The following UBE2R2 variants were observed in gnomAD, a reference collection of about 807,000 sequenced individuals.
UBE2R2 encodes ubiquitin conjugating enzyme E2 R2, also known as ubiquitin-conjugating enzyme E2 R2.
A neutral mutation model predicts 27.8 loss-of-function variants in UBE2R2; 1 was observed. The observed-to-expected ratio is 0.04, with a 90% CI of 0.01 to 0.17. The LOEUF is 0.17. Ranked by LOEUF, UBE2R2 falls within the 10% of genes least tolerant of loss-of-function variation. UBE2R2 has a pLI of 1.00. For synonymous variants in UBE2R2, 106 were observed against 113.3 expected (o/e 0.94, Z 0.41); for missense variants, 100 against 291.0 (o/e 0.34, Z 4.78).
At chr9:33,879,476 C>T (rs937417169) in intron 1 of UBE2R2, among the ~76,000 whole-genome samples, 1 of 152,130 alleles carries the variant, frequency 6.6e-6, no homozygotes, top group African/African-American at 2.4e-5. Flanking sequence ...TTTTCTGAGA[C>T]AGGGTCTTGC....
intron 1 of UBE2R2, among the ~76,000 whole-genome samples, chr9:33,858,637 C>T (rs1009159894): frequency 1.3e-5 from 2 of 151,306 alleles, no homozygotes; most frequent in Non-Finnish European, 2.9e-5. Context: ...CCTGATAGAG[C>T]TCAAGCACTC....
chr9:33,877,827 C>CTGTCTG (rs1563997770), intron 1 of UBE2R2, among the ~76,000 whole-genome samples: 1 of 82,980 alleles, frequency 1.2e-5, no homozygotes, highest in African/African-American at 6.4e-5. Flanking sequence ...CTGTCTGTCT[C>CTGTCTG]TCTCTCTCTC....
At chr9:33,882,392 T>G (rs1821749224) in intron 1 of UBE2R2, among the ~76,000 whole-genome samples, 1 of 152,186 alleles carries the variant, frequency 6.6e-6, no homozygotes, top group South Asian at 2.1e-4. Flanking sequence ...GTTCAAGCAA[T>G]TCTCCTGCCT....
rs1825852743 is a variant in UBE2R2, at chr9:33,818,033, G to T, written c.177+99G>T. On this transcript the variant is annotated intron_variant, in intron 1 of 4. Coordinates refer to ENST00000263228, the MANE Select transcript of UBE2R2 (RefSeq NM_017811.4). ...TGGGACCAGGAGTATGAGCACGGGC[G>T]AGTGGAGGGGGCTTCTCACCCGTGC... The T allele has an allele frequency of 5.0e-6, 7 of 1,395,454 alleles. No homozygotes were observed. The South Asian group carries it at 7.7e-5, about 15-fold the overall frequency. 86.4% of individuals were successfully genotyped at this position (1,395,454 alleles called of 1,614,324 possible).
At chr9:33,877,829 C>G (rs1346878135) in intron 1 of UBE2R2, among the ~76,000 whole-genome samples, 6 of 149,832 alleles carry the variant, frequency 4.0e-5, no homozygotes, top group Non-Finnish European at 7.4e-5. Context: ...GTCTGTCTCT[C>G]TCTCTCTCTC....
chr9:33,906,070 A>T (rs927009147), intron 3 of UBE2R2, among the ~76,000 whole-genome samples: 1 of 152,028 alleles, frequency 6.6e-6, no homozygotes, highest in Admixed American at 6.6e-5. Flanking sequence ...GCGTGAAGTA[A>T]GTTCAGGTTT....
chr9:33,877,677 A>G (rs999326988), intron 1 of UBE2R2, among the ~76,000 whole-genome samples: 10 of 152,160 alleles, frequency 6.6e-5, no homozygotes, highest in African/African-American at 2.4e-4. Context: ...TAAGGTTGGT[A>G]TTAATCTTTC....
chr9:33,824,193 T>G (rs1186317322), intron 1 of UBE2R2, among the ~76,000 whole-genome samples: 1 of 152,162 alleles, frequency 6.6e-6, no homozygotes, highest in Admixed American at 6.6e-5. Context: ...TCTTTTTGAT[T>G]AAGAAATTTC....
chr9:33,909,799 CT>C (rs1489462058), intron 3 of UBE2R2, among the ~76,000 whole-genome samples: 1 of 152,182 alleles, frequency 6.6e-6, no homozygotes, highest in African/African-American at 2.4e-5. Context: ...TATCCTTAAC[CT>C]AATAGGAGCA....
chr9:33,881,571 T>C (rs1821732971), intron 1 of UBE2R2, among the ~76,000 whole-genome samples: 1 of 152,202 alleles, frequency 6.6e-6, no homozygotes, highest in African/African-American at 2.4e-5. Flanking sequence ...CTTTGATGAT[T>C]TCTCCGTCTT....
At chr9:33,823,087 G>T (rs1202712918) in intron 1 of UBE2R2, among the ~76,000 whole-genome samples, 1 of 150,090 alleles carries the variant, frequency 6.7e-6, no homozygotes, top group Non-Finnish European at 1.5e-5. Context: ...GTAATTTTTA[G>T]TAGAGATGGG....
chr9:33,836,113 G>A (rs894938740), intron 1 of UBE2R2, among the ~76,000 whole-genome samples: 5 of 152,158 alleles, frequency 3.3e-5, no homozygotes, highest in African/African-American at 1.2e-4. Context: ...AGACCAGCCC[G>A]GCCAGCATGG....
chr9:33,885,240 T>C (rs1343373220), intron 1 of UBE2R2, among the ~76,000 whole-genome samples: 1 of 151,852 alleles, frequency 6.6e-6, no homozygotes, highest in Non-Finnish European at 1.5e-5. Context: ...GGCATGTGCA[T>C]AGCTCTACAC....
intron 2 of UBE2R2, among the ~76,000 whole-genome samples, chr9:33,888,813 G>A (rs1224928178): frequency 1.3e-5 from 2 of 152,162 alleles, no homozygotes; most frequent in African/African-American, 4.8e-5. Flanking sequence ...ACCATGCCCG[G>A]CCACCTTTAA....
At chr9:33,856,672 C>T (rs542732250) in intron 1 of UBE2R2, among the ~76,000 whole-genome samples, 4 of 150,802 alleles carry the variant, frequency 2.7e-5, no homozygotes, top group African/African-American at 9.7e-5. Flanking sequence ...ATTACATTAC[C>T]TTTCTTGGAA....
In UBE2R2 at chr9:33,917,829, T is replaced by A. The variant is rs966768600; in HGVS notation, c.*592T>A. 1 of 154,602 alleles carries A rather than the reference T, an allele frequency of 6.5e-6. No homozygotes were observed. Among genetic ancestry groups the A allele is most frequent in the Non-Finnish European group, 1.5e-5 (1 of 68,770 alleles). 9.6% of individuals were successfully genotyped at this position (154,602 alleles called of 1,614,324 possible). A position where few individuals can be genotyped will look rare whatever the true frequency, so the allele number is the denominator to read the frequency against. On this transcript the variant is annotated 3_prime_UTR_variant, in exon 5 of 5. Transcript: ENST00000263228. ...TCCTAAGGCTGGGACATGGTGGGCATCAGGGACTTTGTGCTAAGCCTGATG... is the reference window on the plus strand; with the variant it reads ...TCCTAAGGCTGGGACATGGTGGGCAACAGGGACTTTGTGCTAAGCCTGATG...
intron 1 of UBE2R2, among the ~76,000 whole-genome samples, chr9:33,846,821 C>A (rs890140695): frequency 1.3e-5 from 2 of 152,046 alleles, no homozygotes; most frequent in Admixed American, 1.3e-4. Flanking sequence ...AAATATTATT[C>A]TTTTGATTTT....
intron 3 of UBE2R2, among the ~76,000 whole-genome samples, chr9:33,908,342 TAA>T (rs1587483111): frequency 1.3e-5 from 2 of 152,314 alleles, no homozygotes; most frequent in East Asian, 3.9e-4. Flanking sequence ...TGCATCGCCA[TAA>T]CAACAGGGAT....
intron 4 of UBE2R2, among the ~76,000 whole-genome samples, chr9:33,914,723 GA>G (rs1278733924): frequency 6.6e-6 from 1 of 152,068 alleles, no homozygotes; most frequent in Admixed American, 6.5e-5. Context: ...AGCTACTCGG[GA>G]GGCTGAAGGC....
Sources: allele counts gnomAD v4.1 joint callset (sites outside exome capture counted in the v4.1 genomes callset), GRCh38; gene constraint gnomAD v4.1.1; transcripts MANE v1.5; gene names NCBI Gene and HGNC (gene_info 2026-07-23, HGNC 2026-07-21).